Variants in HRH2 observed in about 807,000 individuals in gnomAD.
The protein encoded by HRH2 is histamine H2 receptor.
HRH2 carries 4 observed loss-of-function variants against 20.1 expected under a neutral mutation model. The ratio of observed to expected loss-of-function variants is 0.20; its 90% CI spans 0.10 to 0.45. HRH2 has a LOEUF of 0.45. Among genes scored for constraint, HRH2 ranks in the 20% least tolerant of loss-of-function variants. The probability of loss-of-function intolerance (pLI) is 0.99; values close to 1 mark genes in which losing one functional copy is unlikely to be tolerated. For synonymous variants in HRH2, 197 were observed against 200.7 expected, an observed-to-expected ratio of 0.98 and a Z score of 0.16; for missense variants, 250 against 461.6, an observed-to-expected ratio of 0.54 and a Z score of 4.20.
chr5:175,673,028 G>A (rs1198332286), intron 1 of HRH2, among the ~76,000 whole-genome samples: 1 of 152,126 alleles, frequency 6.6e-6, no homozygotes, highest in Non-Finnish European at 1.5e-5. Context: ...GCAGGTTGCA[G>A]GGGATGCCGA....
In HRH2 at chr5:175,684,024, C is replaced by A; in HGVS notation, c.791C>A (p.Ala264Asp). Residue 264 changes from alanine (A) to aspartate (D), a missense_variant, in exon 2 of 3, where the codon GCC becomes GAC. Physicochemically the swap from Ala to Asp is moderately radical, Grantham distance 126 (BLOSUM62 -2). Transcript: ENST00000636584. ...FVYRGLRGDDAINEVLEAIVL... is the reference protein window; with the variant it reads ...FVYRGLRGDDDINEVLEAIVL... Reference sequence around the variant, plus strand: ...TACCGTGGGCTGAGAGGGGATGATGCCATCAATGAGGTGTTAGAAGCCATC... The same window carrying A: ...TACCGTGGGCTGAGAGGGGATGATGACATCAATGAGGTGTTAGAAGCCATC... 6.2e-7 allele frequency: 1 copy of A among 1,614,080 alleles called. No individual in the cohort carries two copies. The highest frequency in any genetic ancestry group is 1.1e-5 in the South Asian group (1 of 91,076).
chr5:175,684,957 C>T (rs898791671), intron 2 of HRH2, among the ~76,000 whole-genome samples: 2 of 152,044 alleles, frequency 1.3e-5, no homozygotes, highest in Non-Finnish European at 2.9e-5. Context: ...AGATCTATGC[C>T]TTGGAAAGAG....
chr5:175,692,709 G>A (rs953070395), intron 2 of HRH2, among the ~76,000 whole-genome samples: 1 of 152,182 alleles, frequency 6.6e-6, no homozygotes. Context: ...GGGGGGTCCT[G>A]ACCCTAAGCC....
At chr5:175,669,624 G>C (rs144147360) in intron 1 of HRH2, among the ~76,000 whole-genome samples, 1 of 152,048 alleles carries the variant, frequency 6.6e-6, no homozygotes, top group South Asian at 2.1e-4. Flanking sequence ...TCGGCCTCCC[G>C]AAGTGCTGGG....
intron 1 of HRH2, among the ~76,000 whole-genome samples, chr5:175,680,227 C>T (rs555075479): frequency 2.0e-5 from 3 of 152,340 alleles, no homozygotes; most frequent in Non-Finnish European, 2.9e-5. Flanking sequence ...ACGGGCTGGG[C>T]TCCCGAAAGA....
At chr5:175,698,074 G>A (rs143590579) in intron 2 of HRH2, among the ~76,000 whole-genome samples, 7 of 152,374 alleles carry the variant, frequency 4.6e-5, no homozygotes, top group East Asian at 3.9e-4. Flanking sequence ...ACGCTCTTGC[G>A]TGCAAGCAGA....
At chr5:175,659,707 T>C (rs1762678019) in intron 1 of HRH2, among the ~76,000 whole-genome samples, 1 of 152,108 alleles carries the variant, frequency 6.6e-6, no homozygotes, top group Non-Finnish European at 1.5e-5. Context: ...AAAATATGAC[T>C]GTATAAGTTG....
chr5:175,691,056 C>T (rs765393680), intron 2 of HRH2, among the ~76,000 whole-genome samples: 4 of 152,220 alleles, frequency 2.6e-5, no homozygotes, highest in Non-Finnish European at 5.9e-5. Flanking sequence ...CAGCCCATGG[C>T]CTCTGCAGGC....
Position 175,681,353 on chromosome 5 carries a change from C to G in HRH2, c.-525-1356C>G, listed in dbSNP as rs980682304. On this transcript the variant is annotated intron_variant, in intron 1 of 2. Transcript: ENST00000636584. The surrounding 1 kb of genome is among the most constrained non-coding windows in gnomAD (Gnocchi z 4.3). ...TGCTTCTCATATTCAGGTTGCAAAC[C>G]GCTCCAGGCAAGAGCCTGGGAGAGG... Among the ~76,000 whole-genome samples the G allele has an allele frequency of 2.6e-5, 4 of 152,186 alleles. No individual in the cohort carries two copies. The South Asian group carries it at 6.2e-4, about 24-fold the overall frequency.
intron 2 of HRH2, among the ~76,000 whole-genome samples, chr5:175,702,807 T>C (rs1756830737): frequency 6.6e-6 from 1 of 150,990 alleles, no homozygotes; most frequent in African/African-American, 2.4e-5. Context: ...TGACCTCAGA[T>C]CCGCCCACCT....
intron 2 of HRH2, among the ~76,000 whole-genome samples, chr5:175,705,937 G>A (rs1324550496): frequency 2.6e-5 from 4 of 152,108 alleles, no homozygotes; most frequent in Non-Finnish European, 5.9e-5. Context: ...GCCTGCCTTG[G>A]CCTCCCGAAG....
At chr5:175,682,098 T>C (rs1755997653) in intron 1 of HRH2, among the ~76,000 whole-genome samples, 1 of 152,280 alleles carries the variant, frequency 6.6e-6, no homozygotes, top group African/African-American at 2.4e-5. Flanking sequence ...GCAGCCACGC[T>C]CTTCTGTCGG....
chr5:175,660,272 AGAG>A (rs964506672), intron 1 of HRH2, among the ~76,000 whole-genome samples: 6 of 152,206 alleles, frequency 3.9e-5, no homozygotes, highest in African/African-American at 1.2e-4. Flanking sequence ...GTTTTAAAGA[AGAG>A]GAGATCATCC....
chr5:175,674,117 C>CA (rs1347715116), intron 1 of HRH2, among the ~76,000 whole-genome samples: 9 of 152,222 alleles, frequency 5.9e-5, no homozygotes, highest in African/African-American at 2.2e-4. Flanking sequence ...CCGCTGTTGG[C>CA]AGAGGCCAAG....
In HRH2 at chr5:175,683,191, A is replaced by T; in HGVS notation, c.-43A>T. On this transcript the variant is annotated 5_prime_UTR_variant, in exon 2 of 3. Transcript: ENST00000636584. ...GTCACATTGGGAGCAGAGAAGAAGCAACCAGGGGCCCTGATCAGGGGACTG... is the reference window on the plus strand; with the variant it reads ...GTCACATTGGGAGCAGAGAAGAAGCTACCAGGGGCCCTGATCAGGGGACTG... 3 of 1,579,332 alleles carry T rather than the reference A, an allele frequency of 1.9e-6. No individual in the cohort carries two copies. The highest frequency in any genetic ancestry group is 2.6e-6 in the Non-Finnish European group (3 of 1,159,540).
At position 175,677,803 on chromosome 5, in the gene HRH2, C is replaced by T. The variant is rs921622074; in HGVS notation, c.-525-4906C>T. On this transcript the variant is annotated intron_variant, in intron 1 of 2. Coordinates refer to ENST00000636584, the MANE Select transcript of HRH2 (RefSeq NM_001367711.1). The surrounding 1 kb of genome is among the most constrained non-coding windows in gnomAD (Gnocchi z 4.2). ...CTCCGGCCCACCCCCAGCTGCCACACCCTCGAATCCTGATCTGCAGCAGGA... is the reference window on the plus strand; with the variant it reads ...CTCCGGCCCACCCCCAGCTGCCACATCCTCGAATCCTGATCTGCAGCAGGA... Among the ~76,000 whole-genome samples, 1 of 152,172 alleles carries T rather than the reference C, an allele frequency of 6.6e-6. No homozygotes were observed. The highest frequency in any genetic ancestry group is 6.5e-5 in the Admixed American group (1 of 15,288).
At chr5:175,702,849 G>A (rs1756833210) in intron 2 of HRH2, among the ~76,000 whole-genome samples, 2 of 151,528 alleles carry the variant, frequency 1.3e-5, no homozygotes, top group Non-Finnish European at 2.9e-5. Flanking sequence ...TTACAGGCGT[G>A]AGCCACTGTG....
intron 1 of HRH2, among the ~76,000 whole-genome samples, chr5:175,673,507 T>C (rs1755638360): frequency 6.6e-6 from 1 of 152,112 alleles, no homozygotes; most frequent in Non-Finnish European, 1.5e-5. Flanking sequence ...GGTCGGCGGC[T>C]GCCAGGGGCT....
chr5:175,688,641 G>A, intron 2 of HRH2, among the ~76,000 whole-genome samples: 1 of 152,230 alleles, frequency 6.6e-6, no homozygotes, highest in East Asian at 1.9e-4. Flanking sequence ...TAGGATTTGA[G>A]CCCGAGTCTC....
Sources: allele counts gnomAD v4.1 joint callset (sites outside exome capture counted in the v4.1 genomes callset), GRCh38; gene constraint gnomAD v4.1.1; non-coding constraint Gnocchi (gnomAD v3.1); transcripts MANE v1.5; gene names NCBI Gene and HGNC (gene_info 2026-07-23, HGNC 2026-07-21).